Variants in RBFOX1 observed in about 807,000 individuals in gnomAD.
RBFOX1 encodes RNA binding protein fox-1 homolog 1.
In RBFOX1, 8 loss-of-function variants were observed where a neutral mutation model predicts 57.7. That is an observed-to-expected ratio of 0.14 (90% CI 0.08 to 0.25). The LOEUF is 0.25. Ranked by LOEUF, RBFOX1 falls within the 10% of genes least tolerant of loss-of-function variation. The pLI is 1.00. For synonymous variants in RBFOX1, 326 were observed against 222.4 expected, an observed-to-expected ratio of 1.47 and a Z score of -4.15; for missense variants, 611 against 548.5, an observed-to-expected ratio of 1.11 and a Z score of -1.14.
chr16:7,686,014 G>A (rs915884568), intron 14 of RBFOX1, among the ~76,000 whole-genome samples: 3 of 151,976 alleles, frequency 2.0e-5, no homozygotes, highest in African/African-American at 7.2e-5. Flanking sequence ...ACCCTCAACT[G>A]CCTCATCTAT....
chr16:6,536,009 C>T (rs965196628), intron 2 of RBFOX1, among the ~76,000 whole-genome samples: 3 of 152,114 alleles, frequency 2.0e-5, no homozygotes, highest in Non-Finnish European at 4.4e-5. Flanking sequence ...CTAGGCTATC[C>T]ACAAAATGGA....
In RBFOX1 at chr16:7,093,583, C is replaced by G. The variant is rs540021338; in HGVS notation, c.27+41485C>G. On this transcript the variant is annotated intron_variant, in intron 4 of 15. Transcript: ENST00000550418. ...GGACCCTCATGAACATCTCAAACTTCTCGTTGATTAGAGGGAAACTGGATG... is the reference window on the plus strand; with the variant it reads ...GGACCCTCATGAACATCTCAAACTTGTCGTTGATTAGAGGGAAACTGGATG... Among the ~76,000 whole-genome samples the G allele has an allele frequency of 7.2e-5, 11 of 152,274 alleles. No individual in the cohort carries two copies. The South Asian group carries it at 2.3e-3, about 32-fold the overall frequency.
At chr16:6,693,509 C>T (rs1397927636) in intron 3 of RBFOX1, among the ~76,000 whole-genome samples, 1 of 150,270 alleles carries the variant, frequency 6.7e-6, no homozygotes, top group Non-Finnish European at 1.5e-5. Flanking sequence ...CATCATCATC[C>T]TCATCCACTA....
At chr16:6,329,343 T>C (rs1228702079) in intron 2 of RBFOX1, among the ~76,000 whole-genome samples, 1 of 152,184 alleles carries the variant, frequency 6.6e-6, no homozygotes, top group Non-Finnish European at 1.5e-5. Context: ...CTTCTACAGA[T>C]GAGAAAACTG....
chr16:6,487,146 G>GTGTGTGTGTGTGTC (rs1459424773), intron 2 of RBFOX1, among the ~76,000 whole-genome samples: 1,433 of 70,662 alleles, frequency 0.02, 33 homozygotes, highest in African/African-American at 0.059. Flanking sequence ...TGGGGTTTCT[G>GTGTGTGTGTGTGTC]TGTGTGTGTG....
At chr16:6,337,675 T>A (rs1416896611) in intron 2 of RBFOX1, among the ~76,000 whole-genome samples, 1 of 152,222 alleles carries the variant, frequency 6.6e-6, no homozygotes, top group Non-Finnish European at 1.5e-5. Context: ...AATTGATACG[T>A]GTCTTAGGAA....
In RBFOX1 at chr16:7,545,542, G is replaced by C. The variant is rs144509664; in HGVS notation, c.270+27153G>C. Among the ~76,000 whole-genome samples, 122 of 152,254 alleles carry C rather than the reference G, an allele frequency of 8.0e-4. 1 individual carries two copies. Among genetic ancestry groups the C allele is most frequent in the Non-Finnish European group, 4.4e-4 (30 of 68,030 alleles). On this transcript the variant is annotated intron_variant, in intron 5 of 15. Transcript: ENST00000550418. ...GTGTTAATAGGCGCCAGACAGGACTGTGCTATTTCTTAGAGCTTAGGTAGA... is the reference window on the plus strand; with the variant it reads ...GTGTTAATAGGCGCCAGACAGGACTCTGCTATTTCTTAGAGCTTAGGTAGA...
At chr16:6,857,049 C>T (rs371508405) in intron 3 of RBFOX1, among the ~76,000 whole-genome samples, 2 of 152,094 alleles carry the variant, frequency 1.3e-5, no homozygotes, top group African/African-American at 4.8e-5. Context: ...GTGTTCAACC[C>T]CACATCATTG....
intron 4 of RBFOX1, among the ~76,000 whole-genome samples, chr16:7,210,440 C>G (rs1448911602): frequency 6.6e-6 from 1 of 152,042 alleles, no homozygotes; most frequent in Admixed American, 6.5e-5. Context: ...ACTACACTCA[C>G]CAAGATTTCT....
intron 3 of RBFOX1, among the ~76,000 whole-genome samples, chr16:5,782,008 C>G (rs1308768065): frequency 6.6e-6 from 1 of 152,230 alleles, no homozygotes; most frequent in Non-Finnish European, 1.5e-5. Context: ...GAGTTCAAGA[C>G]CAGCCTGGGC....
intron 13 of RBFOX1, chr16:7,671,668 C>A: frequency 1.4e-6 from 2 of 1,381,230 alleles, no homozygotes; most frequent in Admixed American, 1.7e-5. Context: ...TCCTTACTAA[C>A]AAGATAATTC....
intron 3 of RBFOX1, among the ~76,000 whole-genome samples, chr16:5,850,740 A>G (rs1417059071): frequency 1.3e-5 from 2 of 152,176 alleles, no homozygotes; most frequent in African/African-American, 4.8e-5. Flanking sequence ...GACAGAGGTG[A>G]AAGAACCCAC....
intron 3 of RBFOX1, among the ~76,000 whole-genome samples, chr16:6,688,280 A>G (rs773620688): frequency 6.6e-6 from 1 of 152,142 alleles, no homozygotes. Context: ...ACCACATCTC[A>G]TGAGAACTCA....
At chr16:7,263,412 T>C (rs2094999795) in intron 4 of RBFOX1, among the ~76,000 whole-genome samples, 2 of 152,222 alleles carry the variant, frequency 1.3e-5, no homozygotes, top group Admixed American at 6.5e-5. Flanking sequence ...CCTGGCTGGG[T>C]AGCAGGGCTC....
At chr16:7,288,560 C>A (rs1353118567) in intron 4 of RBFOX1, among the ~76,000 whole-genome samples, 1 of 152,152 alleles carries the variant, frequency 6.6e-6, no homozygotes, top group Non-Finnish European at 1.5e-5. Context: ...CTATTACTGG[C>A]CGGAGAGCAG....
intron 1 of RBFOX1, among the ~76,000 whole-genome samples, chr16:6,250,260 C>G (rs12444834): frequency 0.12 from 18,197 of 152,092 alleles, 1,219 homozygotes; most frequent in Middle Eastern, 0.28. Context: ...CAAACTCAGG[C>G]TAGGTGCTCA....
intron 4 of RBFOX1, among the ~76,000 whole-genome samples, chr16:7,144,417 C>CTTCTTTTTTTTTTTTTTTTTTTTTTTTT (rs3046798): frequency 3.3e-4 from 22 of 66,924 alleles, no homozygotes; most frequent in Non-Finnish European, 4.7e-4. Context: ...TTTCTTTCTT[C>CTTCTTTTTTTTTTTTTTTTTTTTTTTTT]TTTTTTTTTT....
intron 3 of RBFOX1, among the ~76,000 whole-genome samples, chr16:5,638,604 C>A (rs1024922379): frequency 5.9e-5 from 9 of 152,130 alleles, no homozygotes; most frequent in African/African-American, 2.2e-4. Context: ...TGTGCCTCTA[C>A]CTTCTTTATT....
intron 2 of RBFOX1, among the ~76,000 whole-genome samples, chr16:5,590,880 A>G (rs1322165942): frequency 1.3e-5 from 2 of 152,180 alleles, no homozygotes; most frequent in African/African-American, 2.4e-5. Flanking sequence ...GGTGGCTTGC[A>G]TGCTGTTTAT....
Sources: gnomAD v4.1 joint callset for allele counts (sites outside exome capture counted in the v4.1 genomes callset) on GRCh38, gnomAD v4.1.1 for gene constraint, MANE v1.5 for transcripts, NCBI Gene and HGNC (gene_info 2026-07-23, HGNC 2026-07-21) for gene names.